The following INTS8 variants were observed in gnomAD, a reference collection of about 807,000 sequenced individuals.
The protein encoded by INTS8 is integrator complex subunit 8, also known as protein kaonashi-1.
A neutral mutation model predicts 138.9 loss-of-function variants in INTS8; 47 were observed. The observed-to-expected ratio is 0.34, with a 90% CI of 0.27 to 0.43. The LOEUF (loss-of-function observed/expected upper bound fraction) is 0.43, where lower values mean the gene tolerates loss of function less well. Among genes scored for constraint, INTS8 ranks in the 20% least tolerant of loss-of-function variants. The pLI is 1.00. For synonymous variants in INTS8, 392 were observed against 400.9 expected (o/e 0.98, Z 0.27); for missense variants, 996 against 1,173.0 (o/e 0.85, Z 2.20).
At position 94,842,250 on chromosome 8, in the gene INTS8, AGAATAAATGGCTCATTCTTGT is replaced by A. The variant is rs1815163105; in HGVS notation, c.1119-91_1119-71del. 19 of 722,006 alleles carry A rather than the reference AGAATAAATGGCTCATTCTTGT, an allele frequency of 2.6e-5. 1 individual carries two copies. The highest frequency in any genetic ancestry group is 3.0e-5 in the Non-Finnish European group (14 of 466,594). 44.7% of individuals were successfully genotyped at this position (722,006 alleles called of 1,614,324 possible). Reference sequence around the variant, plus strand: ...GAATATTCTAAAATCTTACCTCTTAAGAATAAATGGCTCATTCTTGTGAATATAGTTGTATAATATACACCT... The same window carrying A: ...GAATATTCTAAAATCTTACCTCTTAAGAATATAGTTGTATAATATACACCT... On this transcript the variant is annotated intron_variant, in intron 9 of 26. Coordinates refer to ENST00000523731, the MANE Select transcript of INTS8 (RefSeq NM_017864.4).
Position 94,867,175 on chromosome 8 carries a change from T to C in INTS8, c.2331T>C (p.Phe777=), listed in dbSNP as rs780704069. 1.2e-6 allele frequency: 2 copies of C among 1,610,740 alleles called. No individual in the cohort carries two copies. Among genetic ancestry groups the C allele is most frequent in the Admixed American group, 1.7e-5 (1 of 59,706 alleles). Residue 777 remains phenylalanine (F), a synonymous_variant, in exon 19 of 27, where the codon TTT becomes TTC. Transcript: ENST00000523731. The part of the protein sequence containing the change: ...PLVLTIILSL[F]VKLHNVREDI... ...TTTTGACTATTATTTTATCACTCTT[T>C]GTGAAACTTCACAATGTTCGGGTAA...
At chr8:94,844,414 T>A (rs1277591970) in intron 10 of INTS8, among the ~76,000 whole-genome samples, 1 of 152,140 alleles carries the variant, frequency 6.6e-6, no homozygotes, top group African/African-American at 2.4e-5. Context: ...CCTCCCAGTT[T>A]CAAGTGATTC....
At chr8:94,874,440 C>T (rs934874050) in intron 22 of INTS8, 112 bp from the exon 23 acceptor site, 2 of 682,636 alleles carry the variant, frequency 2.9e-6, no homozygotes, top group East Asian at 5.7e-5. Flanking sequence ...CCCATATATC[C>T]CCCGTTCCTC....
intron 26 of INTS8, among the ~76,000 whole-genome samples, chr8:94,878,399 T>TA (rs1816644149): frequency 6.6e-6 from 1 of 152,224 alleles, no homozygotes; most frequent in Non-Finnish European, 1.5e-5. Context: ...TCATGGATGT[T>TA]AAGAGTCTTG....
At chr8:94,858,467 G>C (rs1338493160) in intron 15 of INTS8, among the ~76,000 whole-genome samples, 1 of 152,180 alleles carries the variant, frequency 6.6e-6, no homozygotes, top group Non-Finnish European at 1.5e-5. Context: ...GCATGCTGCT[G>C]TATACATATT....
intron 13 of INTS8, among the ~76,000 whole-genome samples, chr8:94,852,827 T>A (rs1815598110): frequency 6.6e-6 from 1 of 151,984 alleles, no homozygotes; most frequent in Non-Finnish European, 1.5e-5. Flanking sequence ...CTCGAACTCC[T>A]GACCTCCTGA....
chr8:94,847,602 TC>T (rs1280739827), intron 10 of INTS8, among the ~76,000 whole-genome samples: 1 of 152,180 alleles, frequency 6.6e-6, no homozygotes, highest in Non-Finnish European at 1.5e-5. Context: ...GAAGTTATTT[TC>T]TAAGGATTTG....
Position 94,843,297 on chromosome 8 carries a change from G to A in INTS8, c.1260+809G>A, listed in dbSNP as rs575842243. On this transcript the variant is annotated intron_variant, in intron 10 of 26. Coordinates refer to ENST00000523731, the MANE Select transcript of INTS8 (RefSeq NM_017864.4). ...TTTAAGGTGTTAGAGCCTGGGTGCA[G>A]TGGCTCACACCTGTAATCTCAGCAC... 5.9e-5 allele frequency among the ~76,000 whole-genome samples: 9 copies of A among 152,252 alleles called. No homozygotes were observed. In the South Asian group the frequency reaches 1.9e-3, roughly 32 times the overall value.
chr8:94,878,366 T>C (rs1816642542), intron 26 of INTS8, among the ~76,000 whole-genome samples: 1 of 152,184 alleles, frequency 6.6e-6, no homozygotes, highest in Admixed American at 6.5e-5. Context: ...GATATACCAG[T>C]GAAGACTGGC....
intron 12 of INTS8, among the ~76,000 whole-genome samples, chr8:94,850,324 TG>T (rs1448018189): frequency 6.6e-6 from 1 of 152,072 alleles, no homozygotes; most frequent in Admixed American, 6.6e-5. Flanking sequence ...AGATTTTAGC[TG>T]GGGAAGGCTG....
chr8:94,881,130 T>A lies in INTS8; in HGVS notation c.*896T>A, dbSNP rs1161802038. On this transcript the variant is annotated 3_prime_UTR_variant, in exon 27 of 27. Coordinates refer to ENST00000523731, the MANE Select transcript of INTS8 (RefSeq NM_017864.4). ...GCAGCTATAGATAAATTAGTCACCT[T>A]ATTACAAAACTAAACCTTTGTAAAC... 2.5e-6 allele frequency: 1 copy of A among 395,914 alleles called. No homozygotes were observed. The highest frequency in any genetic ancestry group is 2.1e-5 in the African/African-American group (1 of 48,612). 24.5% of individuals were successfully genotyped at this position (395,914 alleles called of 1,614,324 possible).
rs1488977962 is a variant in INTS8, at chr8:94,854,642, G to A, written c.1752+727G>A. On this transcript the variant is annotated intron_variant, in intron 14 of 26. Coordinates refer to ENST00000523731, the MANE Select transcript of INTS8 (RefSeq NM_017864.4). The stretch of plus-strand genomic sequence containing the variant: ...GATCATACACTGAGTTCTTTAGGAA[G>A]GTTAAAGGCAGCATTTGGAAGGCAG... Among the ~76,000 whole-genome samples, 5 of 152,300 alleles carry A rather than the reference G, an allele frequency of 3.3e-5. No homozygotes were observed. The East Asian group carries it at 7.7e-4, about 23-fold the overall frequency.
chr8:94,851,558 G>A lies in INTS8; in HGVS notation c.1513G>A (p.Ala505Thr), dbSNP rs768236958. The change falls in exon 13 of 27, where the codon GCA becomes ACA. Residue 505 changes from alanine (A) to threonine (T), a missense_variant. Coordinates refer to ENST00000523731, the MANE Select transcript of INTS8 (RefSeq NM_017864.4). ...AAATATAAATCTTTTTTTAGCTTCA[G>A]CAAGTGTCAACATTGGTCAGTTAGA... The part of the protein sequence containing the change: ...VTSFYDIPAS[A>T]SVNIGQLEHQ... The A allele has an allele frequency of 3.8e-6, 6 of 1,565,926 alleles. No homozygotes were observed. The South Asian group carries it at 7.2e-5, about 19-fold the overall frequency.
chr8:94,873,698 G>T, intron 22 of INTS8: 1 of 466,496 alleles, frequency 2.1e-6, no homozygotes, highest in Non-Finnish European at 3.8e-6. Context: ...TGTCCAAACT[G>T]ATTTGTGTCT....
At chr8:94,861,256 A>ATTTTTTTTTTTTTTTTTTTTTTTT (rs1210530804) in intron 16 of INTS8, among the ~76,000 whole-genome samples, 2 of 57,388 alleles carry the variant, frequency 3.5e-5, no homozygotes, top group African/African-American at 7.3e-5. Flanking sequence ...CCTTTTTGTA[A>ATTTTTTTTTTTTTTTTTTTTTTTT]TTTTTTTTTT....
intron 6 of INTS8, among the ~76,000 whole-genome samples, chr8:94,833,907 G>A (rs1814819550): frequency 6.6e-6 from 1 of 152,106 alleles, no homozygotes; most frequent in Non-Finnish European, 1.5e-5. Flanking sequence ...AAGTAGCTGG[G>A]ATTACAGGCA....
At chr8:94,830,197 A>G (rs1358114847) in intron 5 of INTS8, among the ~76,000 whole-genome samples, 1 of 152,192 alleles carries the variant, frequency 6.6e-6, no homozygotes, top group Non-Finnish European at 1.5e-5. Context: ...TACCTAGCCT[A>G]GCAGTTATTT....
chr8:94,873,653 T>C, intron 22 of INTS8, 176 bp downstream of exon 22: 1 of 551,808 alleles, frequency 1.8e-6, no homozygotes, highest in Non-Finnish European at 3.2e-6. Context: ...CACCTATTGC[T>C]GTCTTGATTC....
At chr8:94,876,582 C>A in intron 26 of INTS8, 93 bp downstream of exon 26, 1 of 714,482 alleles carries the variant, frequency 1.4e-6, no homozygotes, top group Non-Finnish European at 2.3e-6. Context: ...ATTTTGTGTA[C>A]CTAGTTACTG....
Sources: allele counts gnomAD v4.1 joint callset (sites outside exome capture counted in the v4.1 genomes callset), GRCh38; gene constraint gnomAD v4.1.1; transcripts MANE v1.5; gene names NCBI Gene and HGNC (gene_info 2026-07-23, HGNC 2026-07-21).